Variants in KIF26B observed in about 807,000 individuals in gnomAD.
KIF26B encodes the protein kinesin-like protein KIF26B.
In KIF26B, 63 loss-of-function variants were observed where a neutral mutation model predicts 151.2. That is an observed-to-expected ratio of 0.42 (90% CI 0.34 to 0.51). The LOEUF (loss-of-function observed/expected upper bound fraction) is 0.51, where lower values mean the gene tolerates loss of function less well. Ranked by LOEUF, KIF26B falls within the 20% of genes least tolerant of loss-of-function variation. The pLI, the probability that KIF26B is intolerant of heterozygous loss-of-function variation, is 0.07. For missense variants in KIF26B, 2,813 were observed against 2,913.6 expected, an observed-to-expected ratio of 0.97 and a Z score of 0.79; for synonymous variants, 1,357 against 1,262.1, an observed-to-expected ratio of 1.08 and a Z score of -1.59.
rs369724618 is a variant in KIF26B at position 245,539,592 on chromosome 1, C to T, written c.1167-1175C>T. On this transcript the variant is annotated intron_variant, in intron 4 of 14. Coordinates refer to ENST00000407071, the MANE Select transcript of KIF26B (RefSeq NM_018012.4). ...TATATTAGAGTCTGTGAAATGCCTT[C>T]GCCTCACACTGCCCCTTCCCCTGTT... 4.6e-5 allele frequency among the ~76,000 whole-genome samples: 7 copies of T among 152,106 alleles called. No homozygotes were observed. In the East Asian group the frequency reaches 7.7e-4, roughly 17 times the overall value.
At chr1:245,155,791 G>T (rs1330328315) in intron 1 of KIF26B, among the ~76,000 whole-genome samples, 1 of 152,244 alleles carries the variant, frequency 6.6e-6, no homozygotes, top group Non-Finnish European at 1.5e-5. Flanking sequence ...TGAATGCTGG[G>T]CAGTACCTCG....
chr1:245,251,227 T>C (rs1670439116), intron 2 of KIF26B, among the ~76,000 whole-genome samples: 2 of 152,178 alleles, frequency 1.3e-5, no homozygotes, highest in African/African-American at 2.4e-5. Flanking sequence ...AACCACACTA[T>C]TTGTACAAAT....
In KIF26B at chr1:245,218,124, G is replaced by A. The variant is rs1233564100; in HGVS notation, c.465+61441G>A. Among the ~76,000 whole-genome samples, 2 of 152,208 alleles carry A rather than the reference G, an allele frequency of 1.3e-5. No individual in the cohort carries two copies. Among genetic ancestry groups the A allele is most frequent in the African/African-American group, 4.8e-5 (2 of 41,442 alleles). ...CCAGCATGTCTGGATCCTGTGCAGCGGGCAGAGGCCAGAGGCCATGGTGGG... is the reference window on the plus strand; with the variant it reads ...CCAGCATGTCTGGATCCTGTGCAGCAGGCAGAGGCCAGAGGCCATGGTGGG... On this transcript the variant is annotated intron_variant, in intron 2 of 14. Transcript: ENST00000407071. This position sits in a 1 kb window ranked among gnomAD's most constrained non-coding sequence, Gnocchi z 4.1.
chr1:245,506,929 G>A (rs10924218), intron 4 of KIF26B, among the ~76,000 whole-genome samples: 32,507 of 152,054 alleles, frequency 0.21, 4,232 homozygotes, highest in East Asian at 0.45. Flanking sequence ...ATCCACCCAC[G>A]TCGGCCTCCC....
At chr1:245,371,095 T>C (rs1031538493) in intron 3 of KIF26B, among the ~76,000 whole-genome samples, 1 of 152,230 alleles carries the variant, frequency 6.6e-6, no homozygotes, top group African/African-American at 2.4e-5. Flanking sequence ...ATCCTGGGTA[T>C]GTTCTGTTGC....
chr1:245,258,020 T>TAA (rs5782331), intron 2 of KIF26B, among the ~76,000 whole-genome samples: 4 of 146,526 alleles, frequency 2.7e-5, no homozygotes, highest in African/African-American at 1.0e-4. Context: ...GACTCTGTCT[T>TAA]AAAAAAAAAA....
chr1:245,572,981 A>G lies in KIF26B; in HGVS notation c.1351-29596A>G, dbSNP rs6668955. ...AAATTCTTTATAAATACACATATCA[A>G]TGGAGTTCTTGACATTTTGCCCAGA... On this transcript the variant is annotated intron_variant, in intron 5 of 14. Transcript: ENST00000407071. The surrounding 1 kb of genome is among the most constrained non-coding windows in gnomAD (Gnocchi z 4.2). Among the ~76,000 whole-genome samples, 13,465 of 152,294 alleles carry G rather than the reference A, an allele frequency of 0.088. 700 individuals carry two copies. The highest frequency in any genetic ancestry group is 0.16 in the Middle Eastern group (48 of 294).
At chr1:245,509,783 C>T (rs2103083351) in intron 4 of KIF26B, among the ~76,000 whole-genome samples, 1 of 152,328 alleles carries the variant, frequency 6.6e-6, no homozygotes. Flanking sequence ...GAATCAGTCA[C>T]AGGTGACCTT....
At chr1:245,446,523 G>T (rs574690988) in intron 4 of KIF26B, among the ~76,000 whole-genome samples, 2 of 152,198 alleles carry the variant, frequency 1.3e-5, no homozygotes, top group Admixed American at 6.5e-5. Context: ...ATAGGCTCAG[G>T]AAGGCATCGT....
At chr1:245,605,625 G>A (rs935667069) in intron 6 of KIF26B, among the ~76,000 whole-genome samples, 6 of 152,136 alleles carry the variant, frequency 3.9e-5, no homozygotes, top group African/African-American at 1.4e-4. Context: ...GGACTTGTGG[G>A]CAGGCAGAGC....
chr1:245,401,287 A>G (rs561022883), intron 3 of KIF26B, among the ~76,000 whole-genome samples: 2 of 152,186 alleles, frequency 1.3e-5, no homozygotes, highest in Non-Finnish European at 2.9e-5. Flanking sequence ...AGGGAGACAT[A>G]AGGGCCCTTA....
intron 9 of KIF26B, among the ~76,000 whole-genome samples, chr1:245,620,001 C>T (rs76075657): frequency 0.014 from 2,140 of 151,954 alleles, 50 homozygotes; most frequent in African/African-American, 0.048. Flanking sequence ...CACCCAATTA[C>T]CTTTCACGTA....
In KIF26B at chr1:245,218,107, T is replaced by C. The variant is rs184551743; in HGVS notation, c.465+61424T>C. On this transcript the variant is annotated intron_variant, in intron 2 of 14. Coordinates refer to ENST00000407071, the MANE Select transcript of KIF26B (RefSeq NM_018012.4). This position sits in a 1 kb window ranked among gnomAD's most constrained non-coding sequence, Gnocchi z 4.1. Reference sequence around the variant, plus strand: ...GAGAGCCCACCTACAGTCCAGCATGTCTGGATCCTGTGCAGCGGGCAGAGG... The same window carrying C: ...GAGAGCCCACCTACAGTCCAGCATGCCTGGATCCTGTGCAGCGGGCAGAGG... Among the ~76,000 whole-genome samples, 2 of 152,350 alleles carry C rather than the reference T, an allele frequency of 1.3e-5. No individual in the cohort carries two copies. The highest frequency in any genetic ancestry group is 4.8e-5 in the African/African-American group (2 of 41,590).
At chr1:245,242,507 A>C (rs539495721) in intron 2 of KIF26B, among the ~76,000 whole-genome samples, 1 of 152,184 alleles carries the variant, frequency 6.6e-6, no homozygotes, top group Non-Finnish European at 1.5e-5. Flanking sequence ...GGACTAATAA[A>C]AAGTTGTATG....
intron 5 of KIF26B, among the ~76,000 whole-genome samples, chr1:245,589,105 A>C (rs2043258836): frequency 6.6e-6 from 1 of 152,246 alleles, no homozygotes; most frequent in South Asian, 2.1e-4. Flanking sequence ...AACATCCTAC[A>C]TTTTAGATAA....
chr1:245,301,750 C>T (rs1205051380), intron 2 of KIF26B, among the ~76,000 whole-genome samples: 2 of 152,208 alleles, frequency 1.3e-5, no homozygotes, highest in East Asian at 3.8e-4. Flanking sequence ...CAAAGCTTAA[C>T]AGCCTGTGGG....
At position 245,287,979 on chromosome 1, in the gene KIF26B, T is replaced by TA. The variant is rs532751948; in HGVS notation, c.466-78844dup. Among the ~76,000 whole-genome samples the TA allele has an allele frequency of 3.5e-3, 512 of 146,096 alleles. 5 individuals carry two copies. The highest frequency in any genetic ancestry group is 0.011 in the African/African-American group (428 of 40,148). ...TACTCCAAGAGTACTATGATAGGCT[T>TA]AAAAAAAAAAAGAACAGAAAAGGAG... On this transcript the variant is annotated intron_variant, in intron 2 of 14. Coordinates refer to ENST00000407071, the MANE Select transcript of KIF26B (RefSeq NM_018012.4).
chr1:245,300,031 CCTT>C (rs1458378251), intron 2 of KIF26B, among the ~76,000 whole-genome samples: 4 of 152,208 alleles, frequency 2.6e-5, no homozygotes, highest in African/African-American at 9.6e-5. Flanking sequence ...TGCAAAATGT[CCTT>C]CTGTGAAGAG....
intron 5 of KIF26B, 86 bp downstream of exon 5, chr1:245,541,036 G>T: frequency 9.0e-7 from 1 of 1,108,376 alleles, no homozygotes. Context: ...GGCCTCCAAT[G>T]TATTAAAATA....
Sources: gnomAD v4.1 joint callset for allele counts (sites outside exome capture counted in the v4.1 genomes callset) on GRCh38, gnomAD v4.1.1 for gene constraint, Gnocchi (gnomAD v3.1) non-coding constraint, MANE v1.5 for transcripts, NCBI Gene and HGNC (gene_info 2026-07-23, HGNC 2026-07-21) for gene names.